SMYD3: variants seen among roughly 807,000 people sequenced by gnomAD.
SMYD3 encodes the protein SET and MYND domain containing 3.
A neutral mutation model predicts 57.7 loss-of-function variants in SMYD3; 36 were observed. The ratio of observed to expected loss-of-function variants is 0.62; its 90% CI spans 0.48 to 0.82. The LOEUF (loss-of-function observed/expected upper bound fraction) is 0.82, where lower values mean the gene tolerates loss of function less well. Ranked by LOEUF, SMYD3 falls within the 40% of genes least tolerant of loss-of-function variation. SMYD3 has a pLI of 0.00. For synonymous variants in SMYD3, 211 were observed against 195.0 expected (o/e 1.08, Z -0.68); for missense variants, 515 against 538.8 (o/e 0.96, Z 0.44).
chr1:246,405,734 C>A (rs927202029), intron 1 of SMYD3, among the ~76,000 whole-genome samples: 1 of 151,878 alleles, frequency 6.6e-6, no homozygotes, highest in Non-Finnish European at 1.5e-5. Context: ...CGATGAAACC[C>A]CGTCTCTACT....
At chr1:245,947,535 ATTT>A in intron 5 of SMYD3, 2 of 393,914 alleles carry the variant, frequency 5.1e-6, no homozygotes, top group Non-Finnish European at 1.0e-5. Flanking sequence ...ATGTGCCTGC[ATTT>A]CTAAACCATC....
chr1:245,832,169 G>A (rs1456626989), intron 10 of SMYD3, among the ~76,000 whole-genome samples: 1 of 152,202 alleles, frequency 6.6e-6, no homozygotes, highest in Admixed American at 6.5e-5. Context: ...TCAAGAGGCT[G>A]GGTCTCACCC....
At position 246,367,717 on chromosome 1, in the gene SMYD3, C is replaced by A. The variant is rs1461426563; in HGVS notation, c.165-12623G>T. On this transcript the variant is annotated intron_variant, in intron 1 of 11. Transcript: ENST00000490107. ...AAAGTGCTGAGATTACAGGCGTGAG[C>A]CACCATGCCCAGCCAAAAAATAATC... Among the ~76,000 whole-genome samples, 3 of 152,186 alleles carry A rather than the reference C, an allele frequency of 2.0e-5. No homozygotes were observed. The East Asian group carries it at 5.8e-4, about 29-fold the overall frequency.
intron 5 of SMYD3, among the ~76,000 whole-genome samples, chr1:246,007,496 G>C (rs2148179221): frequency 6.6e-6 from 1 of 152,104 alleles, no homozygotes; most frequent in South Asian, 2.1e-4. Context: ...GGAATAAAAG[G>C]AGATGAAAGG....
chr1:246,219,168 A>G (rs1007351038), intron 5 of SMYD3, among the ~76,000 whole-genome samples: 14 of 152,172 alleles, frequency 9.2e-5, no homozygotes, highest in Admixed American at 6.5e-4. Context: ...CATGGCCCAA[A>G]GTAGAACTTA....
chr1:245,883,639 C>T (rs917443708), intron 8 of SMYD3, among the ~76,000 whole-genome samples: 1 of 152,210 alleles, frequency 6.6e-6, no homozygotes, highest in Non-Finnish European at 1.5e-5. Context: ...CTGCTCTTCA[C>T]TGTCCTTCAT....
At position 245,803,889 on chromosome 1, in the gene SMYD3, G is replaced by A. The variant is rs369100302; in HGVS notation, c.1077-39740C>T. ...CCAGGCTTGAGGCCAGATATCCCTG[G>A]ACTTTCCAGTTACGTAAGTCAGTAT... On this transcript the variant is annotated intron_variant, in intron 10 of 11. Transcript: ENST00000490107. Among the ~76,000 whole-genome samples the A allele has an allele frequency of 4.0e-5, 6 of 151,232 alleles. No homozygotes were observed. In the East Asian group the frequency reaches 1.2e-3, roughly 30 times the overall value.
chr1:246,446,724 C>G (rs896135823), intron 1 of SMYD3, among the ~76,000 whole-genome samples: 1 of 152,116 alleles, frequency 6.6e-6, no homozygotes, highest in Admixed American at 6.5e-5. Context: ...TGCAGGAACA[C>G]GGTAATTTAG....
intron 5 of SMYD3, among the ~76,000 whole-genome samples, chr1:246,001,533 C>T (rs1326225671): frequency 9.6e-6 from 1 of 103,964 alleles, no homozygotes; most frequent in African/African-American, 2.5e-5. Context: ...CATTAGCCAC[C>T]CTTGCCAAAA....
intron 10 of SMYD3, among the ~76,000 whole-genome samples, chr1:245,835,122 CT>C (rs11449373): frequency 1.9e-4 from 25 of 134,050 alleles, no homozygotes; most frequent in Admixed American, 2.3e-4. Context: ...GGCAGGTTTC[CT>C]TTTTTTTTTT....
At chr1:245,987,401 C>A (rs1342975710) in intron 5 of SMYD3, among the ~76,000 whole-genome samples, 1 of 152,114 alleles carries the variant, frequency 6.6e-6, no homozygotes, top group East Asian at 1.9e-4. Context: ...CACACCATTA[C>A]TGTTTTGAGA....
intron 5 of SMYD3, among the ~76,000 whole-genome samples, chr1:246,010,610 T>C (rs1430042079): frequency 1.3e-5 from 2 of 152,210 alleles, no homozygotes; most frequent in South Asian, 4.1e-4. Context: ...ACGAACAGTG[T>C]GACGGAGAAA....
At chr1:246,366,176 T>G (rs778697674) in intron 1 of SMYD3, among the ~76,000 whole-genome samples, 1 of 152,190 alleles carries the variant, frequency 6.6e-6, no homozygotes, top group Non-Finnish European at 1.5e-5. Context: ...AACGCTATAA[T>G]AAATGTTGAC....
Position 246,169,346 on chromosome 1 carries a change from G to A in SMYD3, c.531+157855C>T, listed in dbSNP as rs192702471. 2.2e-3 allele frequency among the ~76,000 whole-genome samples: 240 copies of A among 110,034 alleles called. 1 individual carries two copies. Among genetic ancestry groups the A allele is most frequent in the African/African-American group, 8.1e-3 (223 of 27,438 alleles). 72.2% of individuals were successfully genotyped at this position (110,034 alleles called of 152,430 possible). On this transcript the variant is annotated intron_variant, in intron 5 of 11. Coordinates refer to ENST00000490107, the MANE Select transcript of SMYD3 (RefSeq NM_001167740.2). Reference sequence around the variant, plus strand: ...TTAACAAATATAGAGAAGGAAAATTGGTCAAAGTCAGTTACAGGGCAAAAG... The same window carrying A: ...TTAACAAATATAGAGAAGGAAAATTAGTCAAAGTCAGTTACAGGGCAAAAG...
chr1:246,468,054 A>C (rs1161575976), intron 1 of SMYD3, among the ~76,000 whole-genome samples: 24 of 151,834 alleles, frequency 1.6e-4, no homozygotes, highest in East Asian at 2.0e-4. Flanking sequence ...CCAACTACTC[A>C]GAAGGCTGGG....
intron 1 of SMYD3, among the ~76,000 whole-genome samples, chr1:246,504,058 G>A (rs984311407): frequency 4.0e-5 from 6 of 151,572 alleles, no homozygotes; most frequent in Admixed American, 2.0e-4. Flanking sequence ...GGCACAACAC[G>A]GAAAAACCAG....
rs2045233434 is a variant in SMYD3 at position 245,749,347 on chromosome 1, T to C, written c.*216A>G. 2.0e-6 allele frequency: 1 copy of C among 507,760 alleles called. No individual in the cohort carries two copies. Among genetic ancestry groups the C allele is most frequent in the African/African-American group, 1.9e-5 (1 of 51,456 alleles). 31.5% of individuals were successfully genotyped at this position (507,760 alleles called of 1,614,324 possible). On this transcript the variant is annotated 3_prime_UTR_variant, in exon 12 of 12. Transcript: ENST00000490107. The stretch of plus-strand genomic sequence containing the variant: ...CAAATAAGACAATTACCAGATGGCA[T>C]CCTCAACCAAATGTTTTGAATTTAT...
chr1:245,863,786 G>T lies in SMYD3; in HGVS notation c.901+13C>A. 1 of 1,611,916 alleles carries T rather than the reference G, an allele frequency of 6.2e-7. No homozygotes were observed. On this transcript the variant is annotated intron_variant, in intron 9 of 11. Coordinates refer to ENST00000490107, the MANE Select transcript of SMYD3 (RefSeq NM_001167740.2). ...TCCCAACAGTCCACCTCAATCCACA[G>T]GCGAAAGGATACTCCAGTGTGCCTT...
chr1:245,825,381 T>C (rs949388464), intron 10 of SMYD3, among the ~76,000 whole-genome samples: 1 of 152,206 alleles, frequency 6.6e-6, no homozygotes, highest in Admixed American at 6.5e-5. Context: ...AGGAAACTAC[T>C]ACGGGGGAAG....
Sources: gnomAD v4.1 joint callset for allele counts (sites outside exome capture counted in the v4.1 genomes callset) on GRCh38, gnomAD v4.1.1 for gene constraint, MANE v1.5 for transcripts, NCBI Gene and HGNC (gene_info 2026-07-23, HGNC 2026-07-21) for gene names.